The following DROSHA variants were observed in gnomAD, a reference collection of about 807,000 sequenced individuals.
DROSHA encodes the protein ribonuclease 3.
DROSHA carries 56 observed loss-of-function variants against 181.9 expected under a neutral mutation model. The ratio of observed to expected loss-of-function variants is 0.31; its 90% CI spans 0.25 to 0.38. The LOEUF is 0.38. Ranked by LOEUF, DROSHA falls within the 10% of genes least tolerant of loss-of-function variation. The probability of loss-of-function intolerance (pLI) is 1.00; values close to 1 mark genes in which losing one functional copy is unlikely to be tolerated. For synonymous variants in DROSHA, 524 were observed against 591.2 expected, an observed-to-expected ratio of 0.89 and a Z score of 1.65; for missense variants, 1,218 against 1,743.5, an observed-to-expected ratio of 0.70 and a Z score of 5.37.
At chr5:31,420,649 G>C (rs889387025) in intron 30 of DROSHA, among the ~76,000 whole-genome samples, 1 of 151,758 alleles carries the variant, frequency 6.6e-6, no homozygotes, top group Admixed American at 6.6e-5. Context: ...ATGCCTTTTC[G>C]TTCTGCAGTC....
intron 27 of DROSHA, among the ~76,000 whole-genome samples, chr5:31,429,227 A>G (rs1743841278): frequency 6.6e-6 from 1 of 152,146 alleles, no homozygotes; most frequent in Non-Finnish European, 1.5e-5. Context: ...TTGTATTCAT[A>G]TTTAATTTAT....
chr5:31,455,197 GA>G (rs1348540996), intron 20 of DROSHA, among the ~76,000 whole-genome samples: 1 of 151,820 alleles, frequency 6.6e-6, no homozygotes, highest in Non-Finnish European at 1.5e-5. Flanking sequence ...TAGTGCTTTT[GA>G]AAAATAGAAA....
chr5:31,451,741 C>T, intron 20 of DROSHA, 101 bp from the exon 21 acceptor site: 3 of 924,812 alleles, frequency 3.2e-6, no homozygotes, highest in South Asian at 1.6e-5. Context: ...TTCCAAATTC[C>T]ATCTCACTAA....
chr5:31,481,085 T>C (rs1750981386), intron 16 of DROSHA, among the ~76,000 whole-genome samples: 1 of 151,176 alleles, frequency 6.6e-6, no homozygotes, highest in African/African-American at 2.4e-5. Context: ...AAAATGAAAA[T>C]ATATATCAAA....
chr5:31,405,761 A>T (rs753205787), intron 34 of DROSHA, 38 bp from the exon 35 acceptor site: 15 of 1,179,012 alleles, frequency 1.3e-5, no homozygotes, highest in Non-Finnish European at 1.7e-5. Flanking sequence ...CTTTAATTTC[A>T]AGATTCTTTT....
Position 31,433,873 on chromosome 5 carries a change from GAT to G in DROSHA, c.3042+1890_3042+1891del, listed in dbSNP as rs374147448. 2.3e-4 allele frequency among the ~76,000 whole-genome samples: 35 copies of G among 152,296 alleles called. No homozygotes were observed. In the East Asian group the frequency reaches 4.2e-3, roughly 18 times the overall value. On this transcript the variant is annotated intron_variant, in intron 25 of 35. Transcript: ENST00000344624. ...CGGTATTAGTACAACTTTTAAAAAG[GAT>G]AGAGTGGTGTGCTACTGTTTATGTT...
Position 31,466,288 on chromosome 5 carries a change from A to G in DROSHA, c.2367-7T>C. 6.2e-7 allele frequency: 1 copy of G among 1,613,132 alleles called. No homozygotes were observed. The highest frequency in any genetic ancestry group is 8.5e-7 in the Non-Finnish European group (1 of 1,179,194). On this transcript the variant is annotated splice_region_variant and splice_polypyrimidine_tract_variant and intron_variant, in intron 18 of 35. Transcript: ENST00000344624. ...CTTCCACAGTTTTTGGTACCTAAGG[A>G]AAAGGACAGGCAAACATCTCAGGTA...
intron 8 of DROSHA, among the ~76,000 whole-genome samples, chr5:31,511,971 G>A (rs1248933070): frequency 2.0e-5 from 3 of 150,204 alleles, no homozygotes; most frequent in Non-Finnish European, 3.0e-5. Context: ...TAAACACGAG[G>A]ACATAAACAT....
chr5:31,515,822 A>G (rs1015599713), intron 6 of DROSHA, among the ~76,000 whole-genome samples: 9 of 152,140 alleles, frequency 5.9e-5, no homozygotes, highest in Non-Finnish European at 1.3e-4. Flanking sequence ...GTGAACCAAC[A>G]CTTTGCCTAA....
At chr5:31,527,597 A>T (rs1004638045) in intron 4 of DROSHA, 1 of 153,112 alleles carries the variant, frequency 6.5e-6, no homozygotes, top group African/African-American at 2.4e-5. Context: ...GGTAATTATG[A>T]TGGGATTAGT....
intron 5 of DROSHA, 27 bp downstream of exon 5, chr5:31,526,052 T>C: frequency 6.5e-7 from 1 of 1,541,916 alleles, no homozygotes; most frequent in South Asian, 1.2e-5. Flanking sequence ...CTGCAGTTCA[T>C]TAAAGAACTA....
intron 16 of DROSHA, among the ~76,000 whole-genome samples, chr5:31,480,203 T>TATATATATATATATATATATATATAC (rs1345858192): frequency 3.6e-5 from 5 of 140,188 alleles, no homozygotes; most frequent in Non-Finnish European, 6.4e-5. Context: ...TATATATATA[T>TATATATATATATATATATATATATAC]ACTGAAAATA....
intron 3 of DROSHA, among the ~76,000 whole-genome samples, 183 bp downstream of exon 3, chr5:31,530,615 A>T (rs1457489189): frequency 7.3e-6 from 1 of 136,858 alleles, no homozygotes; most frequent in Non-Finnish European, 1.5e-5. Flanking sequence ...GGGCAACAAG[A>T]GCGAAACTCT....
At chr5:31,462,558 A>T (rs1748521071) in intron 20 of DROSHA, among the ~76,000 whole-genome samples, 1 of 151,836 alleles carries the variant, frequency 6.6e-6, no homozygotes, top group Non-Finnish European at 1.5e-5. Context: ...AGCTGAGGGT[A>T]GAGGAAGGAC....
chr5:31,524,162 C>T (rs1277767840), intron 5 of DROSHA, among the ~76,000 whole-genome samples: 2 of 152,166 alleles, frequency 1.3e-5, no homozygotes, highest in Non-Finnish European at 2.9e-5. Context: ...ACATTCCCTT[C>T]TATCTTCTAC....
chr5:31,433,540 C>T (rs639174), intron 25 of DROSHA, among the ~76,000 whole-genome samples: 54,330 of 151,946 alleles, frequency 0.36, 11,272 homozygotes, highest in East Asian at 0.7. Context: ...CACGCATTAG[C>T]ACAACTTCTT....
intron 6 of DROSHA, among the ~76,000 whole-genome samples, chr5:31,516,059 C>T (rs912572714): frequency 7.2e-5 from 11 of 152,108 alleles, no homozygotes; most frequent in African/African-American, 2.7e-4. Flanking sequence ...GGTTCCAGAC[C>T]AGCCTGGGTA....
chr5:31,441,288 G>C (rs1156648261), intron 23 of DROSHA, among the ~76,000 whole-genome samples: 1 of 152,086 alleles, frequency 6.6e-6, no homozygotes, highest in Non-Finnish European at 1.5e-5. Flanking sequence ...GCACGTGCCT[G>C]TAGTCTCAGC....
rs61497013 is a variant in DROSHA, at chr5:31,522,222, T to C, written c.855-1007A>G. 5.2e-3 allele frequency among the ~76,000 whole-genome samples: 791 copies of C among 152,354 alleles called. 12 individuals carry two copies. Among genetic ancestry groups the C allele is most frequent in the African/African-American group, 0.018 (742 of 41,594 alleles). ...CTGATATATATACAATCCTCAGATA[T>C]ATACCAGCTATCCCAAATAAAGCAG... On this transcript the variant is annotated intron_variant, in intron 5 of 35. Transcript: ENST00000344624.
Sources: allele counts gnomAD v4.1 joint callset (sites outside exome capture counted in the v4.1 genomes callset), GRCh38; gene constraint gnomAD v4.1.1; transcripts MANE v1.5; gene names NCBI Gene and HGNC (gene_info 2026-07-23, HGNC 2026-07-21).